AGBL4: variants seen among roughly 807,000 people sequenced by gnomAD.
The protein encoded by AGBL4 is cytosolic carboxypeptidase 6.
A neutral mutation model predicts 66.4 loss-of-function variants in AGBL4; 58 were observed. That is an observed-to-expected ratio of 0.87 (90% CI 0.71 to 1.09). The LOEUF (loss-of-function observed/expected upper bound fraction) is 1.09. AGBL4 is among the 50% of genes least tolerant of loss of function. The probability of loss-of-function intolerance (pLI) is 0.00; values close to 1 mark genes in which losing one functional copy is unlikely to be tolerated. For missense variants in AGBL4, 579 were observed against 631.0 expected, an observed-to-expected ratio of 0.92 and a Z score of 0.88; for synonymous variants, 234 against 222.9, an observed-to-expected ratio of 1.05 and a Z score of -0.44.
intron 3 of AGBL4, among the ~76,000 whole-genome samples, chr1:49,523,989 T>G (rs200701442): frequency 2.0e-5 from 3 of 151,826 alleles, no homozygotes; most frequent in Admixed American, 6.6e-5. Context: ...ATCATCATCA[T>G]GAAGACAGCA....
intron 1 of AGBL4, among the ~76,000 whole-genome samples, chr1:50,004,478 G>A (rs1367373384): frequency 6.6e-6 from 1 of 152,132 alleles, no homozygotes; most frequent in African/African-American, 2.4e-5. Flanking sequence ...CCAACCCCAG[G>A]CAGTGCAGCT....
At chr1:49,737,511 G>A (rs964202727) in intron 2 of AGBL4, among the ~76,000 whole-genome samples, 3 of 152,118 alleles carry the variant, frequency 2.0e-5, no homozygotes, top group Non-Finnish European at 4.4e-5. Context: ...TGGGAAAATA[G>A]ATACTGGAGA....
intron 4 of AGBL4, among the ~76,000 whole-genome samples, chr1:49,165,032 C>G (rs1464144403): frequency 6.6e-6 from 1 of 152,104 alleles, no homozygotes; most frequent in African/African-American, 2.4e-5. Flanking sequence ...AAAACAGCTC[C>G]TAAATGGAGC....
rs562274691 is a variant in AGBL4 at position 49,407,470 on chromosome 1, C to T, written c.283-161606G>A. On this transcript the variant is annotated intron_variant, in intron 3 of 13. Transcript: ENST00000371839. ...TTAGACTTAGCAGCCTCCATCATCA[C>T]GTGAGCCAATTCCTCATAATAAATC... Among the ~76,000 whole-genome samples the T allele has an allele frequency of 2.6e-4, 40 of 152,300 alleles. 1 individual carries two copies. In the South Asian group the frequency reaches 7.5e-3, roughly 28 times the overall value.
Position 50,023,936 on chromosome 1 carries a change from G to A in AGBL4, c.-140C>T, listed in dbSNP as rs1482378174. On this transcript the variant is annotated 5_prime_UTR_variant, in exon 1 of 14. Transcript: ENST00000371839. ...CCTGGGCAACGGGCGGCAGGCGCGC[G>A]GGTGGCCGGCGCGCGGCTGAGGGCG... 3.2e-6 allele frequency: 3 copies of A among 944,332 alleles called. No homozygotes were observed. The highest frequency in any genetic ancestry group is 1.7e-5 in the African/African-American group (1 of 57,268). 58.5% of individuals were successfully genotyped at this position (944,332 alleles called of 1,614,324 possible). A position where few individuals can be genotyped will look rare whatever the true frequency, so the allele number is the denominator to read the frequency against.
chr1:49,455,944 C>CT (rs111397131), intron 3 of AGBL4, among the ~76,000 whole-genome samples: 8 of 151,704 alleles, frequency 5.3e-5, no homozygotes, highest in African/African-American at 1.9e-4. Context: ...TTCTACCTTA[C>CT]TTTTTCTTTT....
At chr1:49,740,085 A>C (rs1175548963) in intron 2 of AGBL4, among the ~76,000 whole-genome samples, 1 of 152,266 alleles carries the variant, frequency 6.6e-6, no homozygotes, top group Non-Finnish European at 1.5e-5. Flanking sequence ...AAATGCTCCA[A>C]TTAAAAGACA....
intron 2 of AGBL4, among the ~76,000 whole-genome samples, chr1:49,797,780 T>C (rs1644766280): frequency 6.6e-6 from 1 of 151,322 alleles, no homozygotes; most frequent in Non-Finnish European, 1.5e-5. Flanking sequence ...TTTTCTTTTC[T>C]TTTTTTTTGA....
intron 3 of AGBL4, among the ~76,000 whole-genome samples, chr1:49,524,613 G>T (rs1650515710): frequency 1.3e-5 from 2 of 152,056 alleles, no homozygotes; most frequent in South Asian, 4.1e-4. Context: ...GGTCACTACA[G>T]TTATGCAGAA....
intron 3 of AGBL4, among the ~76,000 whole-genome samples, chr1:49,307,085 A>G (rs553535136): frequency 6.6e-6 from 1 of 152,192 alleles, no homozygotes; most frequent in Non-Finnish European, 1.5e-5. Context: ...GTAAAGTTGG[A>G]AAGAAAAATT....
intron 1 of AGBL4, among the ~76,000 whole-genome samples, chr1:49,980,947 T>C (rs1263757819): frequency 1.3e-5 from 2 of 152,218 alleles, no homozygotes; most frequent in Admixed American, 1.3e-4. Flanking sequence ...TTATATTGTT[T>C]TCTAAGAGTT....
At chr1:49,881,150 A>C (rs911478928) in intron 1 of AGBL4, among the ~76,000 whole-genome samples, 4 of 152,166 alleles carry the variant, frequency 2.6e-5, no homozygotes, top group African/African-American at 7.2e-5. Context: ...GCTGTAGACC[A>C]GAGCTGTTCC....
intron 12 of AGBL4, among the ~76,000 whole-genome samples, chr1:48,537,484 C>T (rs531051339): frequency 1.1e-4 from 17 of 152,218 alleles, no homozygotes; most frequent in African/African-American, 3.6e-4. Flanking sequence ...CCCATCTCCA[C>T]GAACTCTTCA....
chr1:49,833,249 G>T (rs1174759682), intron 2 of AGBL4, among the ~76,000 whole-genome samples: 5 of 152,092 alleles, frequency 3.3e-5, no homozygotes, highest in Non-Finnish European at 7.4e-5. Context: ...ATTTAATAGG[G>T]AATCCTTTCC....
chr1:49,091,877 C>A (rs961281435), intron 4 of AGBL4, among the ~76,000 whole-genome samples: 1 of 152,042 alleles, frequency 6.6e-6, no homozygotes, highest in East Asian at 1.9e-4. Flanking sequence ...ATGTCCTTTG[C>A]AGCAACATGG....
At chr1:49,118,852 T>TA (rs1411562805) in intron 4 of AGBL4, among the ~76,000 whole-genome samples, 1 of 152,202 alleles carries the variant, frequency 6.6e-6, no homozygotes, top group African/African-American at 2.4e-5. Context: ...TGGTAGGCTA[T>TA]TAATTATTGC....
At chr1:49,965,887 C>CA (rs1433662021) in intron 1 of AGBL4, among the ~76,000 whole-genome samples, 1 of 148,112 alleles carries the variant, frequency 6.8e-6, no homozygotes, top group Admixed American at 6.7e-5. Flanking sequence ...ATTTGGAAAG[C>CA]AAAAAAATAA....
intron 5 of AGBL4, among the ~76,000 whole-genome samples, chr1:48,965,778 A>G (rs1468533238): frequency 1.3e-5 from 2 of 152,296 alleles, no homozygotes; most frequent in Non-Finnish European, 1.5e-5. Flanking sequence ...TGCTATACCC[A>G]CAAATATAAG....
At chr1:48,752,285 G>T (rs539038423) in intron 6 of AGBL4, among the ~76,000 whole-genome samples, 2 of 152,218 alleles carry the variant, frequency 1.3e-5, no homozygotes, top group Non-Finnish European at 2.9e-5. Context: ...AGATAAACAG[G>T]CCCCAAGAAG....
Sources: allele counts gnomAD v4.1 joint callset (sites outside exome capture counted in the v4.1 genomes callset), GRCh38; gene constraint gnomAD v4.1.1; transcripts MANE v1.5; gene names NCBI Gene and HGNC (gene_info 2026-07-23, HGNC 2026-07-21).